The following RBFOX1 variants were observed in gnomAD, a reference collection of about 807,000 sequenced individuals.
RBFOX1 encodes RNA binding protein fox-1 homolog 1.
A neutral mutation model predicts 57.7 loss-of-function variants in RBFOX1; 8 were observed. That is an observed-to-expected ratio of 0.14 (90% CI 0.08 to 0.25). The LOEUF (loss-of-function observed/expected upper bound fraction) is 0.25. Ranked by LOEUF, RBFOX1 falls within the 10% of genes least tolerant of loss-of-function variation. The pLI is 1.00. For missense variants in RBFOX1, 611 were observed against 548.5 expected, an observed-to-expected ratio of 1.11 and a Z score of -1.14; for synonymous variants, 326 against 222.4, an observed-to-expected ratio of 1.47 and a Z score of -4.15.
chr16:7,673,622 A>G (rs2072315417), intron 13 of RBFOX1, among the ~76,000 whole-genome samples: 1 of 152,170 alleles, frequency 6.6e-6, no homozygotes, highest in Admixed American at 6.5e-5. Context: ...GGACCTCTAG[A>G]GGTTTTGCTA....
In RBFOX1 at chr16:6,181,148, C is replaced by T. The variant is rs1026637569; in HGVS notation, c.-126-135847C>T. Among the ~76,000 whole-genome samples, 4 of 152,176 alleles carry T rather than the reference C, an allele frequency of 2.6e-5. 1 individual carries two copies. The highest frequency in any genetic ancestry group is 4.1e-4 in the South Asian group (2 of 4,822). On this transcript the variant is annotated intron_variant, in intron 1 of 15. Transcript: ENST00000550418. ...ATGTATGGGCTGGTAAAGTCATTGG[C>T]TCTCTCCAGTTTTCCATCACTGAGA...
At chr16:6,457,113 A>G (rs1558350) in intron 2 of RBFOX1, among the ~76,000 whole-genome samples, 121,075 of 151,706 alleles carry the variant, frequency 0.8, 48,423 homozygotes, top group Middle Eastern at 0.87. Context: ...GGTAGAGTTT[A>G]AAGAATGAAA....
At chr16:7,166,816 G>A (rs1234881466) in intron 4 of RBFOX1, among the ~76,000 whole-genome samples, 1 of 151,960 alleles carries the variant, frequency 6.6e-6, no homozygotes, top group Non-Finnish European at 1.5e-5. Flanking sequence ...CAACCCATGC[G>A]GCATCTCTCC....
intron 3 of RBFOX1, among the ~76,000 whole-genome samples, chr16:6,758,509 C>G (rs965979737): frequency 7.2e-5 from 11 of 152,016 alleles, no homozygotes; most frequent in African/African-American, 2.7e-4. Flanking sequence ...AGAGTCCAGC[C>G]TAGAATACAT....
rs74004772 is a variant in RBFOX1 at position 6,116,691 on chromosome 16, G to A, written c.-127+96699G>A. On this transcript the variant is annotated intron_variant, in intron 1 of 15. Coordinates refer to ENST00000550418, the MANE Select transcript of RBFOX1 (RefSeq NM_018723.4). ...ATGTGCGACAGCATCTTTCATTGCCGTTTAATCAAGTCTGAGTTGGGCTTC... is the reference window on the plus strand; with the variant it reads ...ATGTGCGACAGCATCTTTCATTGCCATTTAATCAAGTCTGAGTTGGGCTTC... Among the ~76,000 whole-genome samples the A allele has an allele frequency of 2.6e-3, 402 of 152,262 alleles. 2 individuals carry two copies. Among genetic ancestry groups the A allele is most frequent in the African/African-American group, 6.9e-3 (286 of 41,544 alleles).
chr16:5,247,455 C>T (rs1053650691), intron 1 of RBFOX1, among the ~76,000 whole-genome samples: 1 of 152,192 alleles, frequency 6.6e-6, no homozygotes. Flanking sequence ...GGGCTGCTTG[C>T]CTTCTCCATT....
At chr16:5,352,200 C>T (rs866763606) in intron 1 of RBFOX1, among the ~76,000 whole-genome samples, 20 of 152,174 alleles carry the variant, frequency 1.3e-4, no homozygotes, top group African/African-American at 4.8e-4. Context: ...CTCTCATGTG[C>T]TCCTCCGAAC....
intron 1 of RBFOX1, among the ~76,000 whole-genome samples, chr16:5,462,191 T>C (rs1463789250): frequency 7.6e-6 from 1 of 130,940 alleles, no homozygotes; most frequent in Non-Finnish European, 1.6e-5. Flanking sequence ...TTTTTTGAGA[T>C]GGAGTCTCGC....
chr16:6,421,217 C>G (rs913485867), intron 2 of RBFOX1, among the ~76,000 whole-genome samples: 1 of 152,158 alleles, frequency 6.6e-6, no homozygotes, highest in African/African-American at 2.4e-5. Context: ...ATTACATCCT[C>G]TCCTTCGGGA....
At chr16:6,877,149 G>A (rs1028555251) in intron 3 of RBFOX1, among the ~76,000 whole-genome samples, 1 of 152,110 alleles carries the variant, frequency 6.6e-6, no homozygotes, top group Non-Finnish European at 1.5e-5. Context: ...AAACAAAAAA[G>A]CAGACGAATG....
chr16:5,902,156 A>G (rs3848386), intron 4 of RBFOX1, among the ~76,000 whole-genome samples: 94,448 of 152,036 alleles, frequency 0.62, 29,547 homozygotes, highest in Middle Eastern at 0.76. Context: ...GAGTCAGAAA[A>G]TATTCCAGAA....
intron 2 of RBFOX1, among the ~76,000 whole-genome samples, chr16:6,457,438 TCCCCCCCC>T (rs60318595): frequency 7.4e-5 from 4 of 54,228 alleles, no homozygotes; most frequent in Non-Finnish European, 1.5e-4. Flanking sequence ...TTTCCGGAAG[TCCCCCCCC>T]CCGCAATAGC....
intron 3 of RBFOX1, among the ~76,000 whole-genome samples, chr16:5,705,420 T>C (rs2051205182): frequency 6.6e-6 from 1 of 152,058 alleles, no homozygotes; most frequent in African/African-American, 2.4e-5. Flanking sequence ...CACCACCATG[T>C]ACAGATAATT....
At chr16:6,943,034 G>A (rs1018215181) in intron 3 of RBFOX1, among the ~76,000 whole-genome samples, 17 of 152,154 alleles carry the variant, frequency 1.1e-4, no homozygotes, top group African/African-American at 1.7e-4. Context: ...ATGGGCAAGC[G>A]GGGAGAAAGC....
chr16:7,301,696 T>A (rs552685807), intron 4 of RBFOX1, among the ~76,000 whole-genome samples: 1 of 152,108 alleles, frequency 6.6e-6, no homozygotes, highest in African/African-American at 2.4e-5. Context: ...AAGGAAAAAA[T>A]TCTCTCCTCT....
intron 4 of RBFOX1, among the ~76,000 whole-genome samples, chr16:7,176,866 A>C (rs114820708): frequency 0.02 from 3,053 of 152,314 alleles, 107 homozygotes; most frequent in African/African-American, 0.069. Flanking sequence ...AGACAGAGAG[A>C]AAGCAGGAAT....
chr16:6,810,873 G>T (rs985286548), intron 3 of RBFOX1, among the ~76,000 whole-genome samples: 13 of 152,286 alleles, frequency 8.5e-5, no homozygotes, highest in Admixed American at 6.5e-4. Context: ...CCCTCAACAT[G>T]TGGGGATTAC....
chr16:6,058,833 T>TCCATCC (rs2095648782), intron 1 of RBFOX1, among the ~76,000 whole-genome samples: 1 of 134,310 alleles, frequency 7.4e-6, no homozygotes, highest in Admixed American at 7.5e-5. Context: ...CTCATTTATT[T>TCCATCC]ATCCATCCAT....
At chr16:6,867,147 A>C (rs1487572617) in intron 3 of RBFOX1, among the ~76,000 whole-genome samples, 1 of 152,174 alleles carries the variant, frequency 6.6e-6, no homozygotes, top group Admixed American at 6.5e-5. Context: ...TTGGAGATGT[A>C]CTAAGTGCAG....
Sources: allele counts gnomAD v4.1 joint callset (sites outside exome capture counted in the v4.1 genomes callset), GRCh38; gene constraint gnomAD v4.1.1; transcripts MANE v1.5; gene names NCBI Gene and HGNC (gene_info 2026-07-23, HGNC 2026-07-21).